Variants in ARHGDIB observed in about 807,000 individuals in gnomAD.
ARHGDIB encodes the protein rho GDP-dissociation inhibitor 2.
Under a neutral mutation model 22.6 loss-of-function variants are expected in ARHGDIB, and 20 were observed. The ratio of observed to expected loss-of-function variants is 0.88; its 90% CI spans 0.62 to 1.28. The LOEUF (loss-of-function observed/expected upper bound fraction) is 1.28, where lower values mean the gene tolerates loss of function less well. Ranked by LOEUF, ARHGDIB falls within the 50% of genes most tolerant of loss-of-function variation. The pLI, the probability that ARHGDIB is intolerant of heterozygous loss-of-function variation, is 0.00. For missense variants in ARHGDIB, 254 were observed against 245.4 expected (o/e 1.04, Z -0.23); for synonymous variants, 114 against 96.1 (o/e 1.19, Z -1.09).
At chr12:14,950,502 C>T (rs192838607) in intron 2 of ARHGDIB, 30 bp downstream of exon 2, 8 of 1,570,518 alleles carry the variant, frequency 5.1e-6, no homozygotes, top group Middle Eastern at 1.7e-4. Context: ...CAGCGATCTT[C>T]CACCCACCCT....
chr12:14,952,394 A>T (rs553644397), intron 1 of ARHGDIB, among the ~76,000 whole-genome samples: 51 of 152,240 alleles, frequency 3.3e-4, no homozygotes, highest in Non-Finnish European at 5.1e-4. Flanking sequence ...TGAAAACAGC[A>T]TTGCAATGCC....
intron 4 of ARHGDIB, 24 bp from the exon 5 acceptor site, chr12:14,944,863 TG>T: frequency 6.2e-7 from 1 of 1,608,796 alleles, no homozygotes; most frequent in Non-Finnish European, 8.5e-7. Context: ...GGAACCAAGA[TG>T]TTCAGATTAA....
At chr12:14,950,891 T>G (rs1864160020) in intron 1 of ARHGDIB, 167 bp from the exon 2 acceptor site, 1 of 557,644 alleles carries the variant, frequency 1.8e-6, no homozygotes, top group Admixed American at 3.7e-5. Context: ...AATAATAATC[T>G]AATGTATTCT....
At chr12:14,950,019 G>T in intron 2 of ARHGDIB, 134 bp from the exon 3 acceptor site, 1 of 831,884 alleles carries the variant, frequency 1.2e-6, no homozygotes, top group Non-Finnish European at 1.8e-6. Flanking sequence ...AAATGGATGT[G>T]GCAGGTTTGC....
intron 1 of ARHGDIB, among the ~76,000 whole-genome samples, chr12:14,954,002 A>G (rs1864244349): frequency 7.6e-6 from 1 of 131,384 alleles, no homozygotes; most frequent in African/African-American, 2.9e-5. Flanking sequence ...TTTTTGAGGC[A>G]TAGTTTTACT....
At chr12:14,951,758 G>A (rs1262200803) in intron 1 of ARHGDIB, among the ~76,000 whole-genome samples, 1 of 151,428 alleles carries the variant, frequency 6.6e-6, no homozygotes, top group Non-Finnish European at 1.5e-5. Flanking sequence ...TGACTGAATA[G>A]TAGATTCAAA....
chr12:14,943,161 C>T (rs897770837), intron 5 of ARHGDIB, among the ~76,000 whole-genome samples: 1 of 152,248 alleles, frequency 6.6e-6, no homozygotes, highest in East Asian at 1.9e-4. Flanking sequence ...AGCCACCGCA[C>T]CTGGCCCTGA....
intron 4 of ARHGDIB, among the ~76,000 whole-genome samples, chr12:14,945,773 A>G (rs1863999813): frequency 6.6e-6 from 1 of 152,216 alleles, no homozygotes; most frequent in Non-Finnish European, 1.5e-5. Flanking sequence ...GAGGTGGCAG[A>G]GCAGTGAACT....
At chr12:14,959,817 G>T (rs1208532640) in intron 1 of ARHGDIB, among the ~76,000 whole-genome samples, 1 of 152,204 alleles carries the variant, frequency 6.6e-6, no homozygotes, top group Non-Finnish European at 1.5e-5. Context: ...TGACAGCATA[G>T]TTAGTCCTCA....
Position 14,942,298 on chromosome 12 carries a change from G to T in ARHGDIB, c.*224C>A. 1.8e-6 allele frequency: 1 copy of T among 567,472 alleles called. No individual in the cohort carries two copies. Among genetic ancestry groups the T allele is most frequent in the African/African-American group, 1.9e-5 (1 of 53,482 alleles). The allele number at this position is 567,472 out of a possible 1,614,324, so 35.2% of individuals were successfully genotyped here. A position where few individuals can be genotyped will look rare whatever the true frequency, so the allele number is the denominator to read the frequency against. On this transcript the variant is annotated 3_prime_UTR_variant, in exon 6 of 6. Transcript: ENST00000228945. ...ACTGAGATGGAGACGTGGAAGATCT[G>T]GCCCTGATGGAGGATCAGAGGGAGC...
At chr12:14,951,844 G>A (rs1315536531) in intron 1 of ARHGDIB, among the ~76,000 whole-genome samples, 1 of 151,848 alleles carries the variant, frequency 6.6e-6, no homozygotes, top group African/African-American at 2.4e-5. Flanking sequence ...TGTAATCATT[G>A]AGGATATTGA....
chr12:14,951,172 GAAGA>G (rs1864168021), intron 1 of ARHGDIB: 2 of 153,348 alleles, frequency 1.3e-5, no homozygotes, highest in South Asian at 4.0e-4. Context: ...GCAGGAGAGA[GAAGA>G]GAGAGGTGGA....
intron 4 of ARHGDIB, among the ~76,000 whole-genome samples, chr12:14,946,254 G>A (rs1864011958): frequency 6.6e-6 from 1 of 152,112 alleles, no homozygotes; most frequent in Non-Finnish European, 1.5e-5. Flanking sequence ...ACATTTCCTT[G>A]GGAGGCAGAA....
chr12:14,944,288 A>T (rs947169854), intron 5 of ARHGDIB, among the ~76,000 whole-genome samples: 26 of 150,670 alleles, frequency 1.7e-4, no homozygotes, highest in Non-Finnish European at 5.9e-5. Context: ...CCTAGAAAAT[A>T]TTTTTTTTTC....
chr12:14,943,708 T>G (rs1198918004), intron 5 of ARHGDIB, among the ~76,000 whole-genome samples: 1 of 151,894 alleles, frequency 6.6e-6, no homozygotes, highest in Non-Finnish European at 1.5e-5. Context: ...ATGGTGAAAA[T>G]AGCCAATCAA....
intron 4 of ARHGDIB, among the ~76,000 whole-genome samples, chr12:14,947,378 T>G (rs899303228): frequency 1.3e-5 from 2 of 152,220 alleles, no homozygotes; most frequent in African/African-American, 4.8e-5. Context: ...TGGATTTATA[T>G]AATCCTTGAG....
At chr12:14,944,658 C>A in intron 5 of ARHGDIB, 118 bp downstream of exon 5, 1 of 939,746 alleles carries the variant, frequency 1.1e-6, no homozygotes, top group East Asian at 2.6e-5. Context: ...CTAGAGCCGG[C>A]ATCCACAGCT....
At chr12:14,952,954 T>C (rs1864213558) in intron 1 of ARHGDIB, among the ~76,000 whole-genome samples, 2 of 152,172 alleles carry the variant, frequency 1.3e-5, no homozygotes, top group East Asian at 1.9e-4. Context: ...CAAATCTCAA[T>C]GTTGAAAAGA....
At chr12:14,959,505 A>G (rs571647852) in intron 1 of ARHGDIB, among the ~76,000 whole-genome samples, 1 of 152,192 alleles carries the variant, frequency 6.6e-6, no homozygotes, top group African/African-American at 2.4e-5. Context: ...TTTTATCACC[A>G]GGCCTGACAC....
Sources: allele counts gnomAD v4.1 joint callset (sites outside exome capture counted in the v4.1 genomes callset), GRCh38; gene constraint gnomAD v4.1.1; transcripts MANE v1.5; gene names NCBI Gene and HGNC (gene_info 2026-07-23, HGNC 2026-07-21).